ZC3H7B: variants seen among roughly 807,000 people sequenced by gnomAD.
ZC3H7B encodes the protein zinc finger CCCH domain-containing protein 7B.
A neutral mutation model predicts 116.0 loss-of-function variants in ZC3H7B; 35 were observed. The observed-to-expected ratio is 0.30, with a 90% CI of 0.23 to 0.40. The LOEUF (loss-of-function observed/expected upper bound fraction) is 0.40, where lower values mean the gene tolerates loss of function less well. Ranked by LOEUF, ZC3H7B falls within the 10% of genes least tolerant of loss-of-function variation. ZC3H7B has a pLI of 1.00. For synonymous variants in ZC3H7B, 502 were observed against 545.6 expected, an observed-to-expected ratio of 0.92 and a Z score of 1.11; for missense variants, 1,011 against 1,321.5, an observed-to-expected ratio of 0.77 and a Z score of 3.64.
At chr22:41,325,430 A>C in intron 2 of ZC3H7B, 134 bp from the exon 3 acceptor site, 4 of 1,190,762 alleles carry the variant, frequency 3.4e-6, no homozygotes, top group Non-Finnish European at 4.8e-6. Context: ...ATGATTTAGG[A>C]GAAGAAAACC....
chr22:41,336,358 T>A (rs530152978), intron 7 of ZC3H7B: 1 of 151,894 alleles, frequency 6.6e-6, no homozygotes, highest in Admixed American at 6.6e-5. Context: ...TGAAACCCCA[T>A]CTCTACTAAA....
At chr22:41,330,269 C>T (rs1192996372) in intron 6 of ZC3H7B, among the ~76,000 whole-genome samples, 166 bp downstream of exon 6, 1 of 152,226 alleles carries the variant, frequency 6.6e-6, no homozygotes, top group South Asian at 2.1e-4. Context: ...AGCCCTGGAA[C>T]CTTTCGGAAA....
Position 41,356,688 on chromosome 22 carries a change from A to G in ZC3H7B, c.2561A>G (p.Lys854Arg). Residue 854 changes from lysine to arginine, a missense_variant, in exon 22 of 23, where the codon AAG becomes AGG. Coordinates refer to ENST00000352645, the MANE Select transcript of ZC3H7B (RefSeq NM_017590.6). The part of the protein sequence containing the change: ...CWLCGKNSNS[K>R]KQWQQHIQSE... ...CTCTGCGGCAAGAACAGCAACAGCAAGAAGCAGTGGCAGCAGCACATCCAG... is the reference window on the plus strand; with the variant it reads ...CTCTGCGGCAAGAACAGCAACAGCAGGAAGCAGTGGCAGCAGCACATCCAG... The G allele has an allele frequency of 6.2e-7, 1 of 1,613,712 alleles. No homozygotes were observed. Among genetic ancestry groups the G allele is most frequent in the Middle Eastern group, 1.7e-4 (1 of 6,060 alleles).
In ZC3H7B at chr22:41,338,268, C is replaced by T. The variant is rs776966880; in HGVS notation, c.583-45C>T. On this transcript the variant is annotated intron_variant, in intron 7 of 22. Coordinates refer to ENST00000352645, the MANE Select transcript of ZC3H7B (RefSeq NM_017590.6). The surrounding 1 kb of genome is among the most constrained non-coding windows in gnomAD (Gnocchi z 4.5). ...AGGGGCTGGTGCTGGGTGCTGGGAT[C>T]GGGGCCTTCCCAGCCACAGCGCCAC... 9 of 1,598,016 alleles carry T rather than the reference C, an allele frequency of 5.6e-6. No individual in the cohort carries two copies. Among genetic ancestry groups the T allele is most frequent in the Admixed American group, 1.7e-5 (1 of 58,522 alleles).
In ZC3H7B at chr22:41,346,109, C is replaced by A. The variant is rs781073777; in HGVS notation, c.1566C>A (p.Arg522=). 9.3e-6 allele frequency: 15 copies of A among 1,613,684 alleles called. No individual in the cohort carries two copies. Among genetic ancestry groups the A allele is most frequent in the Non-Finnish European group, 1.1e-5 (13 of 1,180,036 alleles). Reference sequence around the variant, plus strand: ...AGGAGCGGAAGGGCACCCTCAACCGCGACCTGCTCTTCGACCCGCTGGGGG... The same window carrying A: ...AGGAGCGGAAGGGCACCCTCAACCGAGACCTGCTCTTCGACCCGCTGGGGG... The part of the protein sequence containing the change: ...WTEERKGTLN[R]DLLFDPLGGV... The change falls in exon 14 of 23, where the codon CGC becomes CGA. Residue 522 remains arginine, a synonymous_variant. Transcript: ENST00000352645. This position sits in a 1 kb window ranked among gnomAD's most constrained non-coding sequence, Gnocchi z 5.3.
chr22:41,343,078 CAGG>C (rs1013615308), intron 12 of ZC3H7B, among the ~76,000 whole-genome samples: 87 of 152,268 alleles, frequency 5.7e-4, no homozygotes, highest in African/African-American at 2.0e-3. Context: ...GAGGCTGAGG[CAGG>C]AGAATTGCTT....
At position 41,351,558 on chromosome 22, in the gene ZC3H7B, C is replaced by T; in HGVS notation, c.1949-3C>T. On this transcript the variant is annotated splice_region_variant and splice_polypyrimidine_tract_variant and intron_variant, in intron 16 of 22. Transcript: ENST00000352645. This position sits in a 1 kb window ranked among gnomAD's most constrained non-coding sequence, Gnocchi z 5.1. ...TGCCTGTGTCTGCCCCCACCCTCCC[C>T]AGGCATGACCCACGAAGACATCGTT... 1 of 1,612,820 alleles carries T rather than the reference C, an allele frequency of 6.2e-7. No individual in the cohort carries two copies.
chr22:41,309,008 C>CCTTTTTTTT (rs2036082708), intron 1 of ZC3H7B, among the ~76,000 whole-genome samples: 1 of 103,304 alleles, frequency 9.7e-6, no homozygotes, highest in African/African-American at 3.4e-5. Context: ...TCCCAGTCTG[C>CCTTTTTTTT]TTTTTTTTTT....
At chr22:41,304,962 A>G (rs544655235) in intron 1 of ZC3H7B, among the ~76,000 whole-genome samples, 9 of 152,298 alleles carry the variant, frequency 5.9e-5, no homozygotes, top group Non-Finnish European at 1.0e-4. Flanking sequence ...CTATAATCCC[A>G]GCACTTTGGG....
Position 41,347,685 on chromosome 22 carries a change from CG to C in ZC3H7B, c.1666-379del, listed in dbSNP as rs1480860231. Reference sequence around the variant, plus strand: ...AGCCCTTCCCCTAGCTCTTCCAGGTCGGGACTTGTGCCAACCCCCCACAGGG... The same window carrying C: ...AGCCCTTCCCCTAGCTCTTCCAGGTCGGACTTGTGCCAACCCCCCACAGGG... On this transcript the variant is annotated intron_variant, in intron 14 of 22. Transcript: ENST00000352645. Among the ~76,000 whole-genome samples the C allele has an allele frequency of 5.9e-5, 9 of 152,166 alleles. No homozygotes were observed. In the South Asian group the frequency reaches 1.7e-3, roughly 28 times the overall value.
chr22:41,333,384 T>C (rs1051479224), intron 7 of ZC3H7B: 1 of 152,126 alleles, frequency 6.6e-6, no homozygotes, highest in African/African-American at 2.4e-5. Context: ...CCCAGCAATT[T>C]GGGAGGCCGA....
At chr22:41,332,334 G>C in intron 7 of ZC3H7B, 107 bp downstream of exon 7, 1 of 1,351,966 alleles carries the variant, frequency 7.4e-7, no homozygotes, top group South Asian at 1.2e-5. Context: ...AGGGGCCTCC[G>C]CCTCCCTAGG....
Position 41,346,173 on chromosome 22 carries a change from A to C in ZC3H7B, c.1630A>C (p.Lys544Gln). 1 of 1,612,042 alleles carries C rather than the reference A, an allele frequency of 6.2e-7. No homozygotes were observed. The highest frequency in any genetic ancestry group is 2.2e-5 in the East Asian group (1 of 44,870). Residue 544 changes from lysine to glutamine, a missense_variant, in exon 14 of 23, where the codon AAG (lysine) becomes CAG (glutamine). Physicochemically the swap from Lys to Gln is moderately conservative, Grantham distance 53. Around this residue, in one of 5 missense-constraint regions of ZC3H7B, gnomAD observed 179 missense variants for 178.5 expected, o/e 1.00. Coordinates refer to ENST00000352645, the MANE Select transcript of ZC3H7B (RefSeq NM_017590.6). This position sits in a 1 kb window ranked among gnomAD's most constrained non-coding sequence, Gnocchi z 5.3. ...RGSLTIAKLL[K>Q]EHQGIFTFLC... ...CAGCCTCACCATCGCCAAGCTCCTG[A>C]AGGAGCACCAGGGCATCTTCACCTT...
intron 1 of ZC3H7B, among the ~76,000 whole-genome samples, chr22:41,319,668 A>G (rs1386380916): frequency 1.3e-5 from 2 of 151,404 alleles, no homozygotes; most frequent in African/African-American, 4.9e-5. Context: ...AATTGCGTGT[A>G]TCCTTCCTAT....
intron 5 of ZC3H7B, 68 bp from the exon 6 acceptor site, chr22:41,329,955 G>A (rs1601777572): frequency 1.9e-6 from 3 of 1,548,282 alleles, no homozygotes; most frequent in East Asian, 4.5e-5. Flanking sequence ...GGCTGCACAG[G>A]TGTCCAGGAG....
At position 41,346,225 on chromosome 22, in the gene ZC3H7B, C is replaced by A; in HGVS notation, c.1665+17C>A. ...CTCTGCGAGGTACTGCCCACCCACCCACTGCCACCCCATAGGCCATGGCAC... is the reference window on the plus strand; with the variant it reads ...CTCTGCGAGGTACTGCCCACCCACCAACTGCCACCCCATAGGCCATGGCAC... On this transcript the variant is annotated intron_variant, in intron 14 of 22. Coordinates refer to ENST00000352645, the MANE Select transcript of ZC3H7B (RefSeq NM_017590.6). The surrounding 1 kb of genome is among the most constrained non-coding windows in gnomAD (Gnocchi z 5.3). 1 of 1,606,050 alleles carries A rather than the reference C, an allele frequency of 6.2e-7. No individual in the cohort carries two copies.
chr22:41,320,785 C>T, intron 2 of ZC3H7B, 72 bp downstream of exon 2: 1 of 1,589,718 alleles, frequency 6.3e-7, no homozygotes, highest in Non-Finnish European at 8.6e-7. Flanking sequence ...CATGCCCTCC[C>T]AGCGCTCCCT....
chr22:41,330,612 T>C (rs973738616), intron 6 of ZC3H7B, among the ~76,000 whole-genome samples: 3 of 152,100 alleles, frequency 2.0e-5, no homozygotes, highest in Admixed American at 1.3e-4. Flanking sequence ...AGATAATTTA[T>C]GCCCACCCCA....
intron 12 of ZC3H7B, among the ~76,000 whole-genome samples, chr22:41,343,040 G>A (rs2036540894): frequency 6.6e-6 from 1 of 152,158 alleles, no homozygotes; most frequent in Admixed American, 6.5e-5. Context: ...AGGCTTGGTG[G>A]TGCTCGCTTA....
Sources: gnomAD v4.1 joint callset for allele counts (sites outside exome capture counted in the v4.1 genomes callset) on GRCh38, gnomAD v4.1.1 for gene constraint, gnomAD v4.1.1 regional missense constraint, Gnocchi (gnomAD v3.1) non-coding constraint, MANE v1.5 for transcripts, NCBI Gene and HGNC (gene_info 2026-07-23, HGNC 2026-07-21) for gene names.